The following NDST4 variants were observed in gnomAD, a reference collection of about 807,000 sequenced individuals.
The protein encoded by NDST4 is N-deacetylase and N-sulfotransferase 4, also known as N-heparan sulfate sulfotransferase 4.
Under a neutral mutation model 100.8 loss-of-function variants are expected in NDST4, and 63 were observed. The observed-to-expected ratio is 0.62, with a 90% CI of 0.51 to 0.77. NDST4 has a LOEUF of 0.77. Ranked by LOEUF, NDST4 falls within the 30% of genes least tolerant of loss-of-function variation. NDST4 has a pLI of 0.00. For missense variants in NDST4, 943 were observed against 1,018.4 expected, an observed-to-expected ratio of 0.93 and a Z score of 1.01; for synonymous variants, 377 against 361.8, an observed-to-expected ratio of 1.04 and a Z score of -0.48.
intron 6 of NDST4, among the ~76,000 whole-genome samples, chr4:114,929,143 T>G (rs1047508740): frequency 1.3e-5 from 2 of 151,656 alleles, no homozygotes; most frequent in Admixed American, 1.3e-4. Flanking sequence ...TATCTATCTA[T>G]CTATCTATCT....
At chr4:115,004,089 G>A (rs1727359551) in intron 2 of NDST4, among the ~76,000 whole-genome samples, 2 of 152,098 alleles carry the variant, frequency 1.3e-5, no homozygotes, top group Middle Eastern at 3.4e-3. Flanking sequence ...ATAGAAATAA[G>A]AAATTTCCTG....
chr4:114,980,534 C>G (rs189111160), intron 2 of NDST4, among the ~76,000 whole-genome samples: 2 of 149,910 alleles, frequency 1.3e-5, no homozygotes, highest in South Asian at 2.1e-4. Context: ...CCCAGCTGCT[C>G]GGGAGGCTGA....
chr4:114,848,332 G>GT lies in NDST4; in HGVS notation c.1822dup (p.Thr608AsnfsTer19), dbSNP rs1294485198. 1 of 1,578,846 alleles carries GT rather than the reference G, an allele frequency of 6.3e-7. No individual in the cohort carries two copies. The highest frequency in any genetic ancestry group is 1.4e-5 in the African/African-American group (1 of 73,220). ...CATAAGAAGAAATAAATAAAGTGCA[G>GT]TTGTTCCTGTTACAAAAAAAGAAAG... On this transcript the variant is annotated frameshift_variant, in exon 9 of 14. Transcript: ENST00000264363. LOFTEE classifies it high-confidence loss of function.
chr4:115,017,754 T>C (rs1481089716), intron 2 of NDST4, among the ~76,000 whole-genome samples: 1 of 152,046 alleles, frequency 6.6e-6, no homozygotes, highest in Non-Finnish European at 1.5e-5. Context: ...AAGGCAATCA[T>C]TAATAAAAAT....
At chr4:114,961,773 T>G (rs1327828055) in intron 4 of NDST4, among the ~76,000 whole-genome samples, 1 of 152,020 alleles carries the variant, frequency 6.6e-6, no homozygotes. Flanking sequence ...TGCTTGTAAT[T>G]TGTGACTTCT....
intron 4 of NDST4, among the ~76,000 whole-genome samples, chr4:114,963,427 G>A (rs184159121): frequency 1.3e-5 from 2 of 152,278 alleles, no homozygotes; most frequent in Admixed American, 6.5e-5. Flanking sequence ...TTAGGTTGAG[G>A]GAGTGGGGAG....
At chr4:114,967,152 A>C (rs944217282) in intron 4 of NDST4, among the ~76,000 whole-genome samples, 1 of 152,062 alleles carries the variant, frequency 6.6e-6, no homozygotes, top group Non-Finnish European at 1.5e-5. Context: ...TGGATAGCAC[A>C]CATATTGTCA....
rs77337405 is a variant in NDST4, at chr4:114,950,943, C to A, written c.1222-13440G>T. Among the ~76,000 whole-genome samples, 1,320 of 152,058 alleles carry A rather than the reference C, an allele frequency of 8.7e-3. 15 individuals are homozygous for A. The highest frequency in any genetic ancestry group is 0.028 in the African/African-American group (1,177 of 41,490). ...CTAAGTAAGTAAAATCTCAGCGTCT[C>A]GATCATTTTTGCATCCCTGGTGTCA... On this transcript the variant is annotated intron_variant, in intron 4 of 13. Coordinates refer to ENST00000264363, the MANE Select transcript of NDST4 (RefSeq NM_022569.3).
intron 6 of NDST4, among the ~76,000 whole-genome samples, chr4:114,890,116 C>A (rs73850722): frequency 0.036 from 4,864 of 135,278 alleles, 279 homozygotes; most frequent in African/African-American, 0.17. Context: ...AGTAGTTAAC[C>A]ATGGAAATTG....
chr4:114,892,425 A>C (rs572890067), intron 6 of NDST4, among the ~76,000 whole-genome samples: 4 of 152,120 alleles, frequency 2.6e-5, no homozygotes, highest in Admixed American at 6.6e-5. Context: ...TATTTGTGCA[A>C]GTTGTCTCAA....
At chr4:114,889,048 A>G (rs553008014) in intron 6 of NDST4, among the ~76,000 whole-genome samples, 3 of 152,138 alleles carry the variant, frequency 2.0e-5, no homozygotes, top group Non-Finnish European at 2.9e-5. Flanking sequence ...ATATGTAGCA[A>G]CACTAGATAT....
At chr4:115,091,086 C>T (rs1729510546) in intron 1 of NDST4, among the ~76,000 whole-genome samples, 1 of 151,960 alleles carries the variant, frequency 6.6e-6, no homozygotes, top group Non-Finnish European at 1.5e-5. Context: ...CTTTTAAGGT[C>T]TAAATCTTTT....
intron 2 of NDST4, among the ~76,000 whole-genome samples, chr4:114,990,029 A>AT (rs957137572): frequency 8.6e-5 from 13 of 151,220 alleles, no homozygotes; most frequent in African/African-American, 2.2e-4. Context: ...TGACACTTCC[A>AT]TTTTTTTTTA....
intron 3 of NDST4, among the ~76,000 whole-genome samples, chr4:114,974,769 T>C (rs774115858): frequency 5.9e-5 from 9 of 152,140 alleles, no homozygotes; most frequent in Non-Finnish European, 1.2e-4. Context: ...GTGAGATTGT[T>C]TTTAGCATGT....
chr4:114,905,221 T>C (rs1039214208), intron 6 of NDST4, among the ~76,000 whole-genome samples: 43 of 151,254 alleles, frequency 2.8e-4, no homozygotes, highest in African/African-American at 1.0e-3. Context: ...AATCCCTAAA[T>C]TATGTATTCC....
chr4:114,957,626 T>C (rs1726168464), intron 4 of NDST4, among the ~76,000 whole-genome samples: 1 of 152,178 alleles, frequency 6.6e-6, no homozygotes, highest in Non-Finnish European at 1.5e-5. Flanking sequence ...CAGCATTAAC[T>C]TAAAAGTCCA....
intron 2 of NDST4, among the ~76,000 whole-genome samples, chr4:115,064,177 AT>A (rs1018913120): frequency 6.6e-6 from 1 of 152,044 alleles, no homozygotes; most frequent in African/African-American, 2.4e-5. Flanking sequence ...TGAAAAGTAT[AT>A]TTTTAAAAAT....
intron 9 of NDST4, among the ~76,000 whole-genome samples, chr4:114,847,418 T>C (rs1335304767): frequency 1.2e-5 from 1 of 80,052 alleles, no homozygotes. Flanking sequence ...AAAAAAAAAG[T>C]GTCTTTCATT....
intron 2 of NDST4, among the ~76,000 whole-genome samples, chr4:115,075,833 G>A (rs974850227): frequency 2.7e-5 from 4 of 147,502 alleles, no homozygotes; most frequent in African/African-American, 1.0e-4. Context: ...CTAACTCTTT[G>A]GGATATTTTA....
Sources: gnomAD v4.1 joint callset for allele counts (sites outside exome capture counted in the v4.1 genomes callset) on GRCh38, gnomAD v4.1.1 for gene constraint, MANE v1.5 for transcripts, NCBI Gene and HGNC (gene_info 2026-07-23, HGNC 2026-07-21) for gene names.